DDX10: variants seen among roughly 807,000 people sequenced by gnomAD.
DDX10 encodes probable ATP-dependent RNA helicase DDX10.
In DDX10, 74 loss-of-function variants were observed where a neutral mutation model predicts 104.3. The ratio of observed to expected loss-of-function variants is 0.71; its 90% confidence interval spans 0.59 to 0.86. The LOEUF (loss-of-function observed/expected upper bound fraction) is 0.86, where lower values mean the gene tolerates loss of function less well. Among genes scored for constraint, DDX10 ranks in the 40% least tolerant of loss-of-function variants. The pLI is 0.00. For synonymous variants in DDX10, 351 were observed against 353.4 expected (o/e 0.99, Z 0.08); for missense variants, 952 against 1,040.0 (o/e 0.92, Z 1.16).
intron 13 of DDX10, among the ~76,000 whole-genome samples, chr11:108,751,800 C>T (rs2094339079): frequency 6.6e-6 from 1 of 152,184 alleles, no homozygotes; most frequent in African/African-American, 2.4e-5. Context: ...AGTCAATCTT[C>T]AGTTTAAGTC....
intron 13 of DDX10, among the ~76,000 whole-genome samples, chr11:108,821,496 G>A (rs1293605920): frequency 6.6e-6 from 1 of 152,104 alleles, no homozygotes; most frequent in Non-Finnish European, 1.5e-5. Context: ...TTATTCTAAG[G>A]TAGGAGATAG....
At position 108,768,603 on chromosome 11, in the gene DDX10, T is replaced by C. The variant is rs564250088; in HGVS notation, c.1965+45141T>C. On this transcript the variant is annotated intron_variant, in intron 13 of 17. Coordinates refer to ENST00000322536, the MANE Select transcript of DDX10 (RefSeq NM_004398.4). ...ATCTTAAGCATCCAAATTTTGTGGT[T>C]ATCTTTGATGTCATAAGAGCATACT... 7.2e-5 allele frequency among the ~76,000 whole-genome samples: 11 copies of C among 152,326 alleles called. No homozygotes were observed. In the South Asian group the frequency reaches 2.3e-3, roughly 32 times the overall value.
At chr11:108,711,439 TCTC>T (rs2094284181) in intron 10 of DDX10, among the ~76,000 whole-genome samples, 2 of 152,198 alleles carry the variant, frequency 1.3e-5, no homozygotes, top group Non-Finnish European at 2.9e-5. Flanking sequence ...TTCAAGCAAT[TCTC>T]CTGCCTCAGC....
At chr11:108,922,624 G>T (rs1185032047) in intron 17 of DDX10, among the ~76,000 whole-genome samples, 3 of 152,196 alleles carry the variant, frequency 2.0e-5, no homozygotes, top group Non-Finnish European at 4.4e-5. Flanking sequence ...TCTCAGTTCA[G>T]TGCATAGCTG....
intron 13 of DDX10, among the ~76,000 whole-genome samples, chr11:108,779,598 A>C (rs901167542): frequency 2.0e-5 from 3 of 152,118 alleles, no homozygotes; most frequent in Admixed American, 2.0e-4. Context: ...CAGCACACCA[A>C]CGTGGCACAT....
intron 13 of DDX10, among the ~76,000 whole-genome samples, chr11:108,785,093 C>T (rs1467844463): frequency 1.3e-5 from 2 of 151,996 alleles, no homozygotes. Flanking sequence ...ATCACTGTAG[C>T]CTTACAGTAT....
At chr11:108,908,675 A>G (rs1340185180) in intron 16 of DDX10, among the ~76,000 whole-genome samples, 1 of 152,212 alleles carries the variant, frequency 6.6e-6, no homozygotes, top group Non-Finnish European at 1.5e-5. Context: ...TCTCTAATAC[A>G]TTAAATATGT....
intron 16 of DDX10, among the ~76,000 whole-genome samples, chr11:108,883,778 T>A (rs1253543281): frequency 6.6e-6 from 1 of 152,212 alleles, no homozygotes; most frequent in Non-Finnish European, 1.5e-5. Flanking sequence ...GTCAATTCTG[T>A]CTTTATTTTA....
intron 13 of DDX10, among the ~76,000 whole-genome samples, chr11:108,736,129 T>C (rs2134489811): frequency 6.6e-6 from 1 of 150,686 alleles, no homozygotes; most frequent in South Asian, 2.1e-4. Context: ...ATGAGAAAAA[T>C]GAACCCCTCT....
At chr11:108,773,529 T>A (rs1351082713) in intron 13 of DDX10, among the ~76,000 whole-genome samples, 5 of 152,172 alleles carry the variant, frequency 3.3e-5, no homozygotes, top group Admixed American at 6.5e-5. Context: ...CTCCCTTTTC[T>A]GCTTCCAACT....
At chr11:108,899,391 C>T (rs992735270) in intron 16 of DDX10, among the ~76,000 whole-genome samples, 2 of 152,030 alleles carry the variant, frequency 1.3e-5, no homozygotes, top group African/African-American at 4.8e-5. Flanking sequence ...ATGCTTGTTC[C>T]CATACTTTTG....
At chr11:108,863,010 T>C (rs371061639) in intron 16 of DDX10, among the ~76,000 whole-genome samples, 1 of 152,206 alleles carries the variant, frequency 6.6e-6, no homozygotes, top group Non-Finnish European at 1.5e-5. Flanking sequence ...GAAGTGACTA[T>C]CTTCCCATGA....
chr11:108,883,756 T>C (rs1423622130), intron 16 of DDX10, among the ~76,000 whole-genome samples: 1 of 152,234 alleles, frequency 6.6e-6, no homozygotes, highest in Non-Finnish European at 1.5e-5. Flanking sequence ...TTCTGTCTTA[T>C]CAAATACAGT....
chr11:108,763,228 A>G (rs2094352804), intron 13 of DDX10, among the ~76,000 whole-genome samples: 1 of 152,184 alleles, frequency 6.6e-6, no homozygotes, highest in Non-Finnish European at 1.5e-5. Context: ...TGTGCGCTGT[A>G]GCAGTAATAT....
chr11:108,815,009 A>G (rs951084577), intron 13 of DDX10, among the ~76,000 whole-genome samples: 1 of 152,234 alleles, frequency 6.6e-6, no homozygotes, highest in African/African-American at 2.4e-5. Context: ...ATCTGGAAGT[A>G]TAAGTAGGAA....
At chr11:108,933,241 A>C (rs1863995750) in intron 17 of DDX10, among the ~76,000 whole-genome samples, 1 of 151,954 alleles carries the variant, frequency 6.6e-6, no homozygotes, top group African/African-American at 2.4e-5. Flanking sequence ...CCACAGGATT[A>C]TTACTGAAGG....
At chr11:108,770,617 G>A (rs1401907763) in intron 13 of DDX10, among the ~76,000 whole-genome samples, 7 of 151,248 alleles carry the variant, frequency 4.6e-5, no homozygotes, top group Non-Finnish European at 1.5e-5. Flanking sequence ...AATATGAAAT[G>A]TTTGTCTTTC....
At chr11:108,827,133 A>G (rs1435119853) in intron 13 of DDX10, among the ~76,000 whole-genome samples, 3 of 152,200 alleles carry the variant, frequency 2.0e-5, no homozygotes, top group South Asian at 2.1e-4. Context: ...TTGACTCACA[A>G]TTGTTCTGAA....
intron 16 of DDX10, among the ~76,000 whole-genome samples, chr11:108,909,595 T>C (rs1863641361): frequency 6.6e-6 from 1 of 152,096 alleles, no homozygotes; most frequent in Admixed American, 6.5e-5. Context: ...CTATGAAAAG[T>C]TGTAGAGAAT....
Sources: gnomAD v4.1 joint callset for allele counts (sites outside exome capture counted in the v4.1 genomes callset) on GRCh38, gnomAD v4.1.1 for gene constraint, MANE v1.5 for transcripts, NCBI Gene and HGNC (gene_info 2026-07-23, HGNC 2026-07-21) for gene names.